The following HSPBAP1 variants were observed in gnomAD, a reference collection of about 807,000 sequenced individuals.
HSPBAP1 encodes the protein HSPB1 associated protein 1.
In HSPBAP1, 27 loss-of-function variants were observed where a neutral mutation model predicts 45.2. That is an observed-to-expected ratio of 0.60 (90% CI 0.44 to 0.82). The LOEUF (loss-of-function observed/expected upper bound fraction) is 0.82, where lower values mean the gene tolerates loss of function less well. Ranked by LOEUF, HSPBAP1 falls within the 40% of genes least tolerant of loss-of-function variation. The pLI is 0.00. For missense variants in HSPBAP1, 510 were observed against 590.9 expected (o/e 0.86, Z 1.42); for synonymous variants, 204 against 202.7 (o/e 1.01, Z -0.06).
At chr3:122,754,732 A>C (rs1031908006) in intron 5 of HSPBAP1, 5 of 985,474 alleles carry the variant, frequency 5.1e-6, no homozygotes, top group African/African-American at 3.5e-5. Flanking sequence ...ACTGGGAAGC[A>C]GCACTATGTA....
chr3:122,786,425 T>A (rs890607390), intron 1 of HSPBAP1: 1 of 152,190 alleles, frequency 6.6e-6, no homozygotes, highest in African/African-American at 2.4e-5. Context: ...TTAGAGCCAA[T>A]AGATCACATG....
intron 6 of HSPBAP1, among the ~76,000 whole-genome samples, chr3:122,747,555 G>A (rs535279809): frequency 1.3e-4 from 19 of 143,626 alleles, no homozygotes; most frequent in East Asian, 6.4e-4. Context: ...CCCCCTGCCC[G>A]GCCAGCCGCC....
chr3:122,789,590 G>A (rs1935759901), intron 1 of HSPBAP1, among the ~76,000 whole-genome samples: 1 of 152,158 alleles, frequency 6.6e-6, no homozygotes, highest in South Asian at 2.1e-4. Flanking sequence ...CTCCCTAGAG[G>A]TTAGTCCAGT....
intron 1 of HSPBAP1, among the ~76,000 whole-genome samples, chr3:122,781,387 C>T (rs1278424585): frequency 6.6e-6 from 1 of 152,200 alleles, no homozygotes; most frequent in East Asian, 1.9e-4. Flanking sequence ...ACCCCGTCTC[C>T]ACCAAAAAAA....
intron 5 of HSPBAP1, chr3:122,753,591 C>T (rs79235785): frequency 0.07 from 68,828 of 984,300 alleles, 2,522 homozygotes; most frequent in Middle Eastern, 0.085. Flanking sequence ...TCTATCCAGA[C>T]TCAGTATGAG....
At chr3:122,780,256 C>T (rs1462336282) in intron 1 of HSPBAP1, among the ~76,000 whole-genome samples, 2 of 88,766 alleles carry the variant, frequency 2.3e-5, no homozygotes, top group African/African-American at 8.9e-5. Flanking sequence ...ACCTCCCTCC[C>T]GGACGGGGCG....
At chr3:122,787,306 G>C (rs1935688208) in intron 1 of HSPBAP1, among the ~76,000 whole-genome samples, 2 of 152,278 alleles carry the variant, frequency 1.3e-5, no homozygotes, top group East Asian at 1.9e-4. Flanking sequence ...TAAAGTACAA[G>C]ATAATTTGAA....
At chr3:122,778,054 T>C (rs999972024) in intron 1 of HSPBAP1, 148 bp from the exon 2 acceptor site, 3 of 626,618 alleles carry the variant, frequency 4.8e-6, no homozygotes, top group Admixed American at 3.0e-5. Context: ...GCTGTTTATA[T>C]ACACATGTGG....
At chr3:122,747,947 A>C (rs1933971512) in intron 6 of HSPBAP1, among the ~76,000 whole-genome samples, 1 of 152,212 alleles carries the variant, frequency 6.6e-6, no homozygotes. Context: ...AAAGGGGGGA[A>C]CGGTGGGGAA....
intron 2 of HSPBAP1, among the ~76,000 whole-genome samples, chr3:122,771,937 C>A (rs184120974): frequency 1.1e-4 from 16 of 151,718 alleles, no homozygotes; most frequent in Admixed American, 9.9e-4. Flanking sequence ...GCCTGTCTAA[C>A]TAGAAAACCC....
intron 6 of HSPBAP1, among the ~76,000 whole-genome samples, chr3:122,742,869 A>C (rs1933715685): frequency 6.6e-6 from 1 of 152,200 alleles, no homozygotes. Context: ...AGTAAATCTC[A>C]ATCTCTTGTT....
chr3:122,786,576 ATAAAGT>A (rs1236024729), intron 1 of HSPBAP1: 1 of 152,246 alleles, frequency 6.6e-6, no homozygotes, highest in Non-Finnish European at 1.5e-5. Context: ...CTTCTCTAGC[ATAAAGT>A]TAAATTTAAA....
chr3:122,771,889 GA>G (rs1459838812), intron 2 of HSPBAP1, among the ~76,000 whole-genome samples: 1 of 152,204 alleles, frequency 6.6e-6, no homozygotes, highest in African/African-American at 2.4e-5. Context: ...ACACTCAACA[GA>G]GAGGAAACAA....
At chr3:122,751,374 T>C (rs1324093082) in intron 6 of HSPBAP1, among the ~76,000 whole-genome samples, 1 of 152,178 alleles carries the variant, frequency 6.6e-6, no homozygotes. Context: ...GATTAAGTAA[T>C]TATCTATGTT....
intron 3 of HSPBAP1, among the ~76,000 whole-genome samples, chr3:122,759,858 T>C (rs142348714): frequency 1.2e-4 from 19 of 152,354 alleles, no homozygotes; most frequent in African/African-American, 4.1e-4. Flanking sequence ...TTTGTGTACA[T>C]ACGCAACTTA....
chr3:122,781,568 G>GGA (rs1239680032), intron 1 of HSPBAP1, among the ~76,000 whole-genome samples: 5 of 152,040 alleles, frequency 3.3e-5, no homozygotes, highest in Non-Finnish European at 7.4e-5. Context: ...GTGGGGAGAC[G>GGA]GAGAGAGAGA....
At chr3:122,776,296 A>G (rs1935190554) in intron 2 of HSPBAP1, among the ~76,000 whole-genome samples, 2 of 152,256 alleles carry the variant, frequency 1.3e-5, no homozygotes, top group Admixed American at 1.3e-4. Flanking sequence ...TTAATAAAAA[A>G]GAACATCGTC....
At chr3:122,790,568 CA>C (rs1935794605) in intron 1 of HSPBAP1, among the ~76,000 whole-genome samples, 1 of 152,072 alleles carries the variant, frequency 6.6e-6, no homozygotes, top group African/African-American at 2.4e-5. Context: ...TCTTTATTGC[CA>C]AAAATGATAT....
chr3:122,740,656 TTGC>T lies in HSPBAP1; in HGVS notation c.1153_1155del (p.Ala385del). ...GGGACCAGATCAGGGCCAAAGGGAC[TTGC>T]TGCCTCCGGTTTGTCTGTTCCTGTG... On this transcript the variant is annotated inframe_deletion, in exon 8 of 8. Transcript: ENST00000306103. 6.2e-7 allele frequency: 1 copy of T among 1,614,120 alleles called. No individual in the cohort carries two copies. Among genetic ancestry groups the T allele is most frequent in the Non-Finnish European group, 8.5e-7 (1 of 1,180,046 alleles).
Sources: allele counts gnomAD v4.1 joint callset (sites outside exome capture counted in the v4.1 genomes callset), GRCh38; gene constraint gnomAD v4.1.1; transcripts MANE v1.5; gene names NCBI Gene and HGNC (gene_info 2026-07-23, HGNC 2026-07-21).